Variants in SRP72 observed in about 807,000 individuals in gnomAD.
The protein encoded by SRP72 is signal recognition particle subunit SRP72.
SRP72 carries 49 observed loss-of-function variants against 96.3 expected under a neutral mutation model. The observed-to-expected ratio is 0.51, with a 90% confidence interval of 0.40 to 0.65. SRP72 has a LOEUF of 0.65. Among genes scored for constraint, SRP72 ranks in the 30% least tolerant of loss-of-function variants. SRP72 has a pLI of 0.00. For missense variants in SRP72, 736 were observed against 793.3 expected (o/e 0.93, Z 0.87); for synonymous variants, 267 against 275.2 (o/e 0.97, Z 0.30).
rs1721267627 is a variant in SRP72 at position 56,501,725 on chromosome 4, G to T, written c.1880G>T (p.Arg627Ile). ...KTVSSPPTSPRPGSAATVSAS... is the reference protein window; with the variant it reads ...KTVSSPPTSPIPGSAATVSAS... Reference sequence around the variant, plus strand: ...GTGAGCAGCCCACCCACCTCCCCAAGACCTGGCAGTGCTGCAACAGTATCT... The same window carrying T: ...GTGAGCAGCCCACCCACCTCCCCAATACCTGGCAGTGCTGCAACAGTATCT... The change falls in exon 19 of 19, where the codon AGA becomes ATA. Residue 627 changes from arginine (R) to isoleucine (I), a missense_variant. Arg to Ile is a moderately conservative substitution (Grantham distance 97). This residue lies in a region of SRP72 where 388 missense variants were observed against 431.8 expected (regional missense o/e 0.90). Coordinates refer to ENST00000642900, the MANE Select transcript of SRP72 (RefSeq NM_006947.4). 1 of 1,614,080 alleles carries T rather than the reference G, an allele frequency of 6.2e-7. No individual in the cohort carries two copies. Among genetic ancestry groups the T allele is most frequent in the South Asian group, 1.1e-5 (1 of 91,074 alleles).
chr4:56,500,050 C>G (rs1235966706), intron 17 of SRP72, among the ~76,000 whole-genome samples: 1 of 151,546 alleles, frequency 6.6e-6, no homozygotes, highest in African/African-American at 2.4e-5. Flanking sequence ...ACGATGAGTT[C>G]ATATCCTTTG....
Position 56,474,041 on chromosome 4 carries a change from A to G in SRP72, c.355-13A>G, listed in dbSNP as rs765664277. ...ATTTGTCTCTGATTTTTTACTTGCT[A>G]TTTATTATTCAGTTATACCGTTTGG... On this transcript the variant is annotated splice_polypyrimidine_tract_variant and intron_variant, in intron 3 of 18. Transcript: ENST00000642900. The G allele has an allele frequency of 3.1e-6, 5 of 1,600,408 alleles. No homozygotes were observed. Among genetic ancestry groups the G allele is most frequent in the Non-Finnish European group, 3.4e-6 (4 of 1,175,210 alleles).
chr4:56,500,202 C>G (rs1721213149), intron 17 of SRP72, among the ~76,000 whole-genome samples: 1 of 151,926 alleles, frequency 6.6e-6, no homozygotes, highest in African/African-American at 2.4e-5. Context: ...TATCACACAC[C>G]AGGCCTGTCG....
intron 17 of SRP72, among the ~76,000 whole-genome samples, chr4:56,498,803 G>A (rs1290524690): frequency 6.6e-6 from 1 of 152,186 alleles, no homozygotes; most frequent in African/African-American, 2.4e-5. Flanking sequence ...CATGCTCATG[G>A]ATAGGAAGAA....
At chr4:56,470,103 G>A (rs747023518) in intron 2 of SRP72, among the ~76,000 whole-genome samples, 22 of 150,928 alleles carry the variant, frequency 1.5e-4, no homozygotes, top group Non-Finnish European at 2.4e-4. Flanking sequence ...TTTCTTTACT[G>A]TTATACCTAG....
At chr4:56,501,325 G>C (rs573232167) in intron 18 of SRP72, among the ~76,000 whole-genome samples, 1 of 152,084 alleles carries the variant, frequency 6.6e-6, no homozygotes, top group Non-Finnish European at 1.5e-5. Context: ...GGAGAATCAC[G>C]TGAACCCAGA....
intron 1 of SRP72, among the ~76,000 whole-genome samples, chr4:56,469,285 C>G (rs1221125133): frequency 1.3e-5 from 2 of 152,180 alleles, no homozygotes; most frequent in East Asian, 3.8e-4. Flanking sequence ...TCTACCTGAA[C>G]TTTTTCCCTG....
chr4:56,490,869 A>G (rs1446485625), intron 15 of SRP72, among the ~76,000 whole-genome samples: 1 of 152,226 alleles, frequency 6.6e-6, no homozygotes, highest in Non-Finnish European at 1.5e-5. Context: ...AAATGAAGTC[A>G]AAAGGGTATG....
chr4:56,470,186 A>G (rs1234685967), intron 2 of SRP72, among the ~76,000 whole-genome samples: 1 of 151,540 alleles, frequency 6.6e-6, no homozygotes, highest in Non-Finnish European at 1.5e-5. Flanking sequence ...GGTGCAGAAC[A>G]ATATATATTA....
intron 1 of SRP72, 101 bp from the exon 2 acceptor site, chr4:56,469,552 A>T: frequency 2.6e-6 from 3 of 1,153,322 alleles, no homozygotes; most frequent in Non-Finnish European, 3.6e-6. Context: ...GTTGCAATAA[A>T]AGTAGAAATT....
Position 56,490,440 on chromosome 4 carries a change from A to C in SRP72, c.1424+4A>C, listed in dbSNP as rs768569932. The C allele has an allele frequency of 1.2e-6, 2 of 1,612,890 alleles. No individual in the cohort carries two copies. Among genetic ancestry groups the C allele is most frequent in the Non-Finnish European group, 1.7e-6 (2 of 1,179,572 alleles). On this transcript the variant is annotated splice_donor_region_variant and intron_variant, in intron 14 of 18. Transcript: ENST00000642900. ...GTGACCTACAACAGCTGTGGAAGTA[A>C]GCTCTGAAACGTGGAGTTGTAGAAA... is the stretch of plus-strand genomic sequence containing the variant.
Position 56,491,568 on chromosome 4 carries a change from G to A in SRP72, c.1640G>A (p.Gly547Glu). The change falls in exon 16 of 19, where the codon GGA (glycine) becomes GAA (glutamate). Residue 547 changes from glycine (G) to glutamate (E), a missense_variant and splice_region_variant. Coordinates refer to ENST00000642900, the MANE Select transcript of SRP72 (RefSeq NM_006947.4). ...GGAGATAGTCAACCAAAGGAACAAG[G>A]GTAATATTTTTCATTGTAACGTTCT... ...VTGDSQPKEQ[G>E]QGDLKKKKKK... The A allele has an allele frequency of 6.2e-7, 1 of 1,612,456 alleles. No homozygotes were observed. The highest frequency in any genetic ancestry group is 8.5e-7 in the Non-Finnish European group (1 of 1,179,198).
At chr4:56,479,921 A>G (rs1720413378) in intron 8 of SRP72, among the ~76,000 whole-genome samples, 1 of 152,216 alleles carries the variant, frequency 6.6e-6, no homozygotes. Context: ...TAATCTTTTT[A>G]GGTGGTAGTC....
chr4:56,500,446 T>C (rs1336534021), intron 17 of SRP72, 90 bp from the exon 18 acceptor site: 2 of 1,278,856 alleles, frequency 1.6e-6, no homozygotes, highest in East Asian at 2.4e-5. Context: ...ATTTTAATGT[T>C]ATTTATTCCC....
At chr4:56,490,292 T>C in intron 13 of SRP72, 41 bp from the exon 14 acceptor site, 1 of 1,538,564 alleles carries the variant, frequency 6.5e-7, no homozygotes, top group Middle Eastern at 1.8e-4. Flanking sequence ...TTGCTAGATA[T>C]TTAACTTGAA....
intron 16 of SRP72, among the ~76,000 whole-genome samples, chr4:56,494,239 T>A (rs1417214509): frequency 1.3e-5 from 2 of 152,222 alleles, no homozygotes; most frequent in Non-Finnish European, 2.9e-5. Context: ...ATTTGGGGTA[T>A]CCTGAGAGAA....
chr4:56,493,108 G>A (rs1156988882), intron 16 of SRP72, among the ~76,000 whole-genome samples: 1 of 152,128 alleles, frequency 6.6e-6, no homozygotes, highest in Non-Finnish European at 1.5e-5. Flanking sequence ...CTCAATCTCA[G>A]CTCACTGCAA....
intron 5 of SRP72, among the ~76,000 whole-genome samples, chr4:56,475,204 G>T (rs963792893): frequency 2.0e-5 from 3 of 152,126 alleles, no homozygotes; most frequent in Non-Finnish European, 4.4e-5. Flanking sequence ...GTCAAATGTT[G>T]AAAGTTAAAA....
Position 56,483,118 on chromosome 4 carries a change from A to G in SRP72, c.826-21A>G, listed in dbSNP as rs1578185932. ...TGAAATCTGAGATTCTGTTAATGAT[A>G]GATAAACTTTTCTTTGTTAGGACCA... is the stretch of plus-strand genomic sequence containing the variant. On this transcript the variant is annotated intron_variant, in intron 8 of 18. Transcript: ENST00000642900. 3 of 1,602,610 alleles carry G rather than the reference A, an allele frequency of 1.9e-6. No homozygotes were observed. The East Asian group carries it at 6.7e-5, about 36-fold the overall frequency.
Sources: allele counts gnomAD v4.1 joint callset (sites outside exome capture counted in the v4.1 genomes callset), GRCh38; gene constraint gnomAD v4.1.1; regional missense constraint gnomAD v4.1.1; transcripts MANE v1.5; gene names NCBI Gene and HGNC (gene_info 2026-07-23, HGNC 2026-07-21).